Variants in SERPINB7 observed in about 807,000 individuals in gnomAD.
SERPINB7 encodes the protein serpin B7.
Under a neutral mutation model 37.4 loss-of-function variants are expected in SERPINB7, and 31 were observed. That is an observed-to-expected ratio of 0.83 (90% confidence interval 0.62 to 1.12). The LOEUF is 1.12. SERPINB7 is among the 50% of genes most tolerant of loss of function. SERPINB7 has a pLI of 0.00. For missense variants in SERPINB7, 521 were observed against 455.3 expected (o/e 1.14, Z -1.31); for synonymous variants, 163 against 166.1 (o/e 0.98, Z 0.14).
intron 1 of SERPINB7, among the ~76,000 whole-genome samples, chr18:63,770,340 C>T (rs1362507801): frequency 6.6e-6 from 1 of 151,472 alleles, no homozygotes; most frequent in Admixed American, 6.6e-5. Context: ...ACTAAGTGGC[C>T]CCTCAAGTCC....
Position 63,804,205 on chromosome 18 carries a change from G to T in SERPINB7, c.745-32G>T, listed in dbSNP as rs377745352. On this transcript the variant is annotated intron_variant, in intron 7 of 7. Transcript: ENST00000398019. Reference sequence around the variant, plus strand: ...TGTTTTATCTATCACTTGACCATATGATTCTAAATTATCTCTGAATTATTT... The same window carrying T: ...TGTTTTATCTATCACTTGACCATATTATTCTAAATTATCTCTGAATTATTT... The T allele has an allele frequency of 2.6e-5, 38 of 1,453,090 alleles. No individual in the cohort carries two copies. In the East Asian group the frequency reaches 5.7e-4, roughly 22 times the overall value. 90.0% of individuals were successfully genotyped at this position (1,453,090 alleles called of 1,614,324 possible).
chr18:63,803,177 C>G (rs2144649447), intron 7 of SERPINB7, among the ~76,000 whole-genome samples: 1 of 152,034 alleles, frequency 6.6e-6, no homozygotes, highest in South Asian at 2.1e-4. Context: ...ACTATACAAT[C>G]TTAAATACCT....
At chr18:63,753,852 A>G (rs1261007587) in intron 1 of SERPINB7, among the ~76,000 whole-genome samples, 1 of 152,220 alleles carries the variant, frequency 6.6e-6, no homozygotes, top group Non-Finnish European at 1.5e-5. Context: ...AGGTTCTCCA[A>G]CAAATCCCAA....
intron 7 of SERPINB7, among the ~76,000 whole-genome samples, chr18:63,802,390 A>T (rs2049559203): frequency 6.6e-6 from 1 of 152,070 alleles, no homozygotes; most frequent in East Asian, 1.9e-4. Context: ...GCCTGGACTC[A>T]TCTCCCTTCT....
intron 1 of SERPINB7, among the ~76,000 whole-genome samples, chr18:63,781,282 C>G (rs982559413): frequency 1.3e-5 from 2 of 152,166 alleles, no homozygotes; most frequent in Non-Finnish European, 2.9e-5. Flanking sequence ...AATCGCTATG[C>G]TAGATCCTGT....
At chr18:63,766,325 T>C (rs1472895968) in intron 1 of SERPINB7, among the ~76,000 whole-genome samples, 1 of 152,194 alleles carries the variant, frequency 6.6e-6, no homozygotes, top group South Asian at 2.1e-4. Context: ...AGAGGGAGAA[T>C]GAATCTTGGG....
At chr18:63,757,888 G>T (rs970909876) in intron 1 of SERPINB7, among the ~76,000 whole-genome samples, 1 of 152,174 alleles carries the variant, frequency 6.6e-6, no homozygotes, top group Non-Finnish European at 1.5e-5. Context: ...GTTTTGCCAA[G>T]GGTTCCTTTC....
chr18:63,756,329 T>A (rs1189506527), intron 1 of SERPINB7, among the ~76,000 whole-genome samples: 1 of 152,178 alleles, frequency 6.6e-6, no homozygotes, highest in African/African-American at 2.4e-5. Flanking sequence ...ATCATTAGAC[T>A]GTGTGGGTGT....
rs183822876 is a variant in SERPINB7 at position 63,786,266 on chromosome 18, A to G, written c.168+3726A>G. Among the ~76,000 whole-genome samples the G allele has an allele frequency of 3.9e-3, 535 of 138,446 alleles. 38 individuals carry two copies. The highest frequency in any genetic ancestry group is 0.015 in the African/African-American group (508 of 34,896). 90.8% of individuals were successfully genotyped at this position (138,446 alleles called of 152,430 possible). A position where few individuals can be genotyped will look rare whatever the true frequency, so the allele number is the denominator to read the frequency against. ...CACACATCCACACATTTCCTTTGAA[A>G]TGCATTATTTTATATATTATATATA... is the stretch of plus-strand genomic sequence containing the variant. On this transcript the variant is annotated intron_variant, in intron 2 of 7. Coordinates refer to ENST00000398019, the MANE Select transcript of SERPINB7 (RefSeq NM_003784.4).
intron 1 of SERPINB7, among the ~76,000 whole-genome samples, chr18:63,765,676 T>C (rs1001726130): frequency 1.3e-5 from 2 of 152,142 alleles, no homozygotes; most frequent in African/African-American, 4.8e-5. Flanking sequence ...CTCCTGCTCA[T>C]ATACTGCAGC....
At chr18:63,768,162 CTT>C (rs1049036110) in intron 1 of SERPINB7, among the ~76,000 whole-genome samples, 1 of 151,794 alleles carries the variant, frequency 6.6e-6, no homozygotes, top group Non-Finnish European at 1.5e-5. Flanking sequence ...GATTACTGCT[CTT>C]TTCTTTATGA....
At chr18:63,786,362 C>T (rs1476557834) in intron 2 of SERPINB7, among the ~76,000 whole-genome samples, 1 of 150,486 alleles carries the variant, frequency 6.6e-6, no homozygotes, top group African/African-American at 2.4e-5. Flanking sequence ...TCAACGTTTC[C>T]ATTGAAATAC....
At chr18:63,773,649 T>C (rs1217057800), upstream of SERPINB7, among the ~76,000 whole-genome samples, 1 of 152,130 alleles carries the variant, frequency 6.6e-6, no homozygotes, top group East Asian at 1.9e-4. Flanking sequence ...GTTATTACAG[T>C]TCATGTTTCC....
At chr18:63,770,030 A>G (rs974171941) in intron 1 of SERPINB7, among the ~76,000 whole-genome samples, 1 of 149,272 alleles carries the variant, frequency 6.7e-6, no homozygotes, top group East Asian at 2.0e-4. Flanking sequence ...CAAAGGATGG[A>G]GGCAGGACAT....
At chr18:63,758,120 G>T (rs2049132026) in intron 1 of SERPINB7, among the ~76,000 whole-genome samples, 1 of 152,116 alleles carries the variant, frequency 6.6e-6, no homozygotes, top group South Asian at 2.1e-4. Context: ...GTACATGCAT[G>T]CATGCACAAA....
intron 2 of SERPINB7, among the ~76,000 whole-genome samples, chr18:63,783,232 G>GAGAA (rs761812129): frequency 0.011 from 456 of 40,596 alleles, 8 homozygotes; most frequent in Middle Eastern, 0.018. Context: ...GAGAGAGAGA[G>GAGAA]AGAAAGAAAG....
chr18:63,782,660 A>G, intron 2 of SERPINB7, 120 bp downstream of exon 2: 1 of 913,162 alleles, frequency 1.1e-6, no homozygotes, highest in Admixed American at 2.5e-5. Flanking sequence ...TCACATCTTC[A>G]CACATCTCCA....
chr18:63,800,790 A>G (rs1367786525), intron 6 of SERPINB7, 76 bp from the exon 7 acceptor site: 1 of 1,509,872 alleles, frequency 6.6e-7, no homozygotes. Context: ...ACCAAGTACA[A>G]TATTCTTATA....
At chr18:63,754,624 C>T (rs1296623066) in intron 1 of SERPINB7, among the ~76,000 whole-genome samples, 3 of 152,144 alleles carry the variant, frequency 2.0e-5, no homozygotes, top group African/African-American at 4.8e-5. Context: ...ATCAGTCCCT[C>T]CCTTGGAGCC....
Sources: allele counts gnomAD v4.1 joint callset (sites outside exome capture counted in the v4.1 genomes callset), GRCh38; gene constraint gnomAD v4.1.1; transcripts MANE v1.5; gene names NCBI Gene and HGNC (gene_info 2026-07-23, HGNC 2026-07-21).